The following LRRC61 variants were observed in gnomAD, a reference collection of about 807,000 sequenced individuals.
LRRC61 encodes the protein leucine rich repeat containing 61.
Under a neutral mutation model 15.1 loss-of-function variants are expected in LRRC61, and 9 were observed. That is an observed-to-expected ratio of 0.60 (90% confidence interval 0.36 to 1.04). The LOEUF (loss-of-function observed/expected upper bound fraction) is 1.04, where lower values mean the gene tolerates loss of function less well. Among genes scored for constraint, LRRC61 ranks in the 50% least tolerant of loss-of-function variants. The pLI is 0.01. For synonymous variants in LRRC61, 173 were observed against 158.6 expected, an observed-to-expected ratio of 1.09 and a Z score of -0.68; for missense variants, 344 against 335.6, an observed-to-expected ratio of 1.03 and a Z score of -0.20.
upstream of LRRC61, among the ~76,000 whole-genome samples, chr7:150,320,623 T>G (rs1361960762): frequency 6.6e-6 from 1 of 152,036 alleles, no homozygotes; most frequent in Non-Finnish European, 1.5e-5. Context: ...ATTAGCCAGG[T>G]AAAGTGGCGC....
In LRRC61 at chr7:150,337,169, A is replaced by G; in HGVS notation, c.308A>G (p.Asn103Ser). 3 of 1,609,782 alleles carry G rather than the reference A, an allele frequency of 1.9e-6. No individual in the cohort carries two copies. The highest frequency in any genetic ancestry group is 2.5e-6 in the Non-Finnish European group (3 of 1,179,966). Reference protein sequence around the residue: ...LATCENLQSLNAAGNLLATPG... With the variant: ...LATCENLQSLSAAGNLLATPG... ...ACCTGTGAGAACTTGCAGAGTCTCA[A>G]TGCCGCAGGCAACCTACTGGCCACC... Residue 103 changes from asparagine to serine, a missense_variant, in exon 3 of 3, where the codon AAT becomes AGT. By Grantham distance (46) the Asn-to-Ser change is conservative. Transcript: ENST00000359623.
At chr7:150,331,166 C>A in intron 2 of LRRC61, 5 of 1,524,144 alleles carry the variant, frequency 3.3e-6, no homozygotes, top group Non-Finnish European at 4.4e-6. Context: ...CAAAACTCTT[C>A]TCTCAAGGTG....
upstream of LRRC61, chr7:150,322,716 GC>G (rs1797669975): frequency 6.6e-6 from 1 of 152,230 alleles, no homozygotes. Flanking sequence ...TTACTTCTTT[GC>G]TTTCTTAATA....
In LRRC61 at chr7:150,337,022, G is replaced by T; in HGVS notation, c.161G>T (p.Gly54Val). 6.2e-7 allele frequency: 1 copy of T among 1,613,784 alleles called. No individual in the cohort carries two copies. The highest frequency in any genetic ancestry group is 8.5e-7 in the Non-Finnish European group (1 of 1,180,036). Residue 54 changes from glycine to valine, a missense_variant, in exon 3 of 3, where the codon GGC (glycine) becomes GTC (valine). Coordinates refer to ENST00000359623, the MANE Select transcript of LRRC61 (RefSeq NM_001142928.2). ...ADLGCLGECL[G>V]LEWLDLSGNA... ...CTGGGCTGCCTGGGAGAGTGCCTGG[G>T]CCTGGAGTGGCTGGACCTATCAGGC... is the stretch of plus-strand genomic sequence containing the variant.
chr7:150,323,567 G>A lies in LRRC61; in HGVS notation c.-315+7G>A, dbSNP rs773088792. On this transcript the variant is annotated splice_region_variant and intron_variant, in intron 1 of 2. Transcript: ENST00000359623. ...TGCCGGCTCCACCCCTCAGGTAAGC[G>A]GGGACTGGGCCGCCGAGGTTCAGGG... 2.9e-5 allele frequency: 13 copies of A among 444,284 alleles called. No individual in the cohort carries two copies. Among genetic ancestry groups the A allele is most frequent in the Admixed American group, 7.4e-5 (3 of 40,582 alleles). The allele number at this position is 444,284 out of a possible 1,614,324, so 27.5% of individuals were successfully genotyped here.
chr7:150,326,304 G>A (rs757397510), intron 2 of LRRC61, among the ~76,000 whole-genome samples: 11 of 152,212 alleles, frequency 7.2e-5, no homozygotes, highest in African/African-American at 1.9e-4. Context: ...TATCTGCAGA[G>A]TATAGCATTT....
At chr7:150,315,352 A>G in the LRRC61 span, among the ~76,000 whole-genome samples, 1 of 152,100 alleles carries the variant, frequency 6.6e-6, no homozygotes, top group African/African-American at 2.4e-5. Flanking sequence ...GATCTTCACA[A>G]TCCATATACC....
rs1183593263 is a variant in LRRC61, at chr7:150,336,851, A to C, written c.-11A>C. 1 of 1,597,898 alleles carries C rather than the reference A, an allele frequency of 6.3e-7. No homozygotes were observed. The highest frequency in any genetic ancestry group is 8.5e-7 in the Non-Finnish European group (1 of 1,170,426). Reference sequence around the variant, plus strand: ...GCCAGGGCCCAGGCCATCCCAACCGACTTCCATCTCATGGACCCTCCAGCG... The same window carrying C: ...GCCAGGGCCCAGGCCATCCCAACCGCCTTCCATCTCATGGACCCTCCAGCG... On this transcript the variant is annotated 5_prime_UTR_variant, in exon 3 of 3. Transcript: ENST00000359623.
At position 150,335,523 on chromosome 7, in the gene LRRC61, A is replaced by G. The variant is rs999973034; in HGVS notation, c.-144-1195A>G. ...CCTCGCCAGCTCCCTGGTTGGGAAC[A>G]TAGTAAATATCTTTGTTGATGGTGT... On this transcript the variant is annotated intron_variant, in intron 2 of 2. Coordinates refer to ENST00000359623, the MANE Select transcript of LRRC61 (RefSeq NM_001142928.2). The surrounding 1 kb of genome is among the most constrained non-coding windows in gnomAD (Gnocchi z 4.3). 5.3e-5 allele frequency among the ~76,000 whole-genome samples: 8 copies of G among 152,194 alleles called. No homozygotes were observed. Among genetic ancestry groups the G allele is most frequent in the Non-Finnish European group, 8.8e-5 (6 of 68,038 alleles).
At chr7:150,312,162 G>A in the LRRC61 span, among the ~76,000 whole-genome samples, 1 of 152,160 alleles carries the variant, frequency 6.6e-6, no homozygotes, top group Non-Finnish European at 1.5e-5. Context: ...CCCCACTCCA[G>A]AAGGCCAGTA....
chr7:150,337,761 T>C lies in LRRC61; in HGVS notation c.*120T>C, dbSNP rs1563230836. 9.4e-7 allele frequency: 1 copy of C among 1,061,574 alleles called. No homozygotes were observed. The highest frequency in any genetic ancestry group is 1.3e-6 in the Non-Finnish European group (1 of 747,748). The allele number at this position is 1,061,574 out of a possible 1,614,324, so 65.8% of individuals were successfully genotyped here. A position where few individuals can be genotyped will look rare whatever the true frequency, so the allele number is the denominator to read the frequency against. On this transcript the variant is annotated 3_prime_UTR_variant, in exon 3 of 3. Transcript: ENST00000359623. ...TCACTGGCCCTGCACACTGGGCTAT[T>C]GCTTTATCCCTATCCTGAGAGCAGC...
chr7:150,331,245 C>T (rs1231632581), intron 2 of LRRC61: 15 of 912,992 alleles, frequency 1.6e-5, no homozygotes, highest in Non-Finnish European at 2.1e-5. Context: ...CCCCGCCTCC[C>T]CTCATCTGCT....
At chr7:150,327,423 C>G (rs1797985215) in intron 2 of LRRC61, among the ~76,000 whole-genome samples, 1 of 152,080 alleles carries the variant, frequency 6.6e-6, no homozygotes, top group East Asian at 1.9e-4. Context: ...CCTCCCTGCC[C>G]CTAAATTCAA....
rs1798174979 is a variant in LRRC61, at chr7:150,333,337, A to G, written c.-144-3381A>G. Among the ~76,000 whole-genome samples the G allele has an allele frequency of 6.6e-6, 1 of 152,166 alleles. No homozygotes were observed. The highest frequency in any genetic ancestry group is 2.4e-5 in the African/African-American group (1 of 41,438). ...TGTCTTTAGTTGTTCCAAGTGGGGT[A>G]AGGGGAGTGGTTCTGTTGGTGTCTA... is the stretch of plus-strand genomic sequence containing the variant. On this transcript the variant is annotated intron_variant, in intron 2 of 2. Transcript: ENST00000359623. The surrounding 1 kb of genome is among the most constrained non-coding windows in gnomAD (Gnocchi z 4.3).
intron 2 of LRRC61, chr7:150,332,529 T>G (rs1398660320): frequency 6.0e-6 from 1 of 167,080 alleles, no homozygotes; most frequent in Non-Finnish European, 1.5e-5. Flanking sequence ...CATTATAACA[T>G]TTGGATATTA....
chr7:150,337,621 A>G lies in LRRC61; in HGVS notation c.760A>G (p.Thr254Ala). ...GCAGGTACTCAGCTCTGCGGGCCCCACCTCTTCCTTCGTCTTCTGAACGTG... is the reference window on the plus strand; with the variant it reads ...GCAGGTACTCAGCTCTGCGGGCCCCGCCTCTTCCTTCGTCTTCTGAACGTG... ...AEQVLSSAGP[T>A]SSFVF The change falls in exon 3 of 3, where the codon ACC becomes GCC. Residue 254 changes from threonine to alanine, a missense_variant. Transcript: ENST00000359623. 6.5e-7 allele frequency: 1 copy of G among 1,528,304 alleles called. No homozygotes were observed. The highest frequency in any genetic ancestry group is 1.4e-5 in the African/African-American group (1 of 71,896). 94.7% of individuals were successfully genotyped at this position (1,528,304 alleles called of 1,614,324 possible).
intron 1 of LRRC61, 140 bp from the exon 2 acceptor site, chr7:150,325,701 G>A (rs974232571): frequency 2.0e-5 from 3 of 152,238 alleles, no homozygotes; most frequent in Admixed American, 6.5e-5. Context: ...AACCCCCTGA[G>A]TTCAAAGCAG....
Position 150,336,756 on chromosome 7 carries a change from TC to T in LRRC61, c.-104del. ...TCGAGCAGGGCATCGGAACCAGGCC[TC>T]CTGGCACTGGCCTGGGTAGAGCCAG... On this transcript the variant is annotated 5_prime_UTR_variant, in exon 3 of 3. Coordinates refer to ENST00000359623, the MANE Select transcript of LRRC61 (RefSeq NM_001142928.2). The T allele has an allele frequency of 1.4e-6, 2 of 1,446,708 alleles. No individual in the cohort carries two copies. Among genetic ancestry groups the T allele is most frequent in the South Asian group, 2.7e-5 (2 of 74,112 alleles). The allele number at this position is 1,446,708 out of a possible 1,614,324, so 89.6% of individuals were successfully genotyped here. A position where few individuals can be genotyped will look rare whatever the true frequency, so the allele number is the denominator to read the frequency against.
the LRRC61 span, among the ~76,000 whole-genome samples, chr7:150,314,974 A>C: frequency 1.4e-5 from 2 of 147,746 alleles, no homozygotes; most frequent in East Asian, 1.9e-4. Flanking sequence ...AATAATAAAT[A>C]GTATTATTTT....
Sources: allele counts gnomAD v4.1 joint callset (sites outside exome capture counted in the v4.1 genomes callset), GRCh38; gene constraint gnomAD v4.1.1; non-coding constraint Gnocchi (gnomAD v3.1); transcripts MANE v1.5; gene names NCBI Gene and HGNC (gene_info 2026-07-23, HGNC 2026-07-21).